Variants in ADGRG5 observed in about 807,000 individuals in gnomAD.
The protein encoded by ADGRG5 is G protein-coupled receptor 114.
Under a neutral mutation model 53.2 loss-of-function variants are expected in ADGRG5, and 37 were observed. The ratio of observed to expected loss-of-function variants is 0.70; its 90% CI spans 0.53 to 0.91. The LOEUF (loss-of-function observed/expected upper bound fraction) is 0.91. ADGRG5 is among the 40% of genes least tolerant of loss of function. ADGRG5 has a pLI of 0.00. For missense variants in ADGRG5, 614 were observed against 675.8 expected, an observed-to-expected ratio of 0.91 and a Z score of 1.01; for synonymous variants, 277 against 290.4, an observed-to-expected ratio of 0.95 and a Z score of 0.47.
Position 57,576,731 on chromosome 16 carries a change from A to G in ADGRG5, c.*1193A>G, listed in dbSNP as rs1302874937. 8 of 152,170 alleles carry G rather than the reference A, an allele frequency of 5.3e-5. No individual in the cohort carries two copies. In the East Asian group the frequency reaches 7.7e-4, roughly 15 times the overall value. 9.4% of individuals were successfully genotyped at this position (152,170 alleles called of 1,614,324 possible). ...AAAGGCAAGACACGCTTACACGGCC[A>G]TTTGTCTCTTTTCCCAATGCGGCGG... On this transcript the variant is annotated 3_prime_UTR_variant, in exon 12 of 12. Transcript: ENST00000349457.
intron 1 of ADGRG5, among the ~76,000 whole-genome samples, chr16:57,552,745 T>G (rs2032784279): frequency 6.6e-6 from 1 of 152,248 alleles, no homozygotes; most frequent in Non-Finnish European, 1.5e-5. Context: ...TTCATAACTT[T>G]GTGAACTGTT....
intron 1 of ADGRG5, among the ~76,000 whole-genome samples, chr16:57,543,998 C>A (rs4784824): frequency 0.066 from 9,992 of 152,086 alleles, 939 homozygotes; most frequent in African/African-American, 0.21. Flanking sequence ...CTGAATACTG[C>A]AACTGGTTAT....
chr16:57,564,990 C>G (rs781422898), intron 5 of ADGRG5, 44 bp from the exon 6 acceptor site: 1 of 1,190,878 alleles, frequency 8.4e-7, no homozygotes. Context: ...CCCAGGGCCT[C>G]CCCATTTCCC....
chr16:57,554,737 A>G (rs2032843550), intron 1 of ADGRG5, among the ~76,000 whole-genome samples: 1 of 152,062 alleles, frequency 6.6e-6, no homozygotes. Flanking sequence ...TCTTCTTTTT[A>G]TATTTATTAA....
upstream of ADGRG5, among the ~76,000 whole-genome samples, chr16:57,540,142 C>G (rs1195057869): frequency 1.3e-5 from 2 of 152,064 alleles, no homozygotes; most frequent in Non-Finnish European, 2.9e-5. Context: ...ACTTGGGAGG[C>G]TGAGGCAGGA....
intron 1 of ADGRG5, among the ~76,000 whole-genome samples, chr16:57,558,972 A>C (rs1163724801): frequency 2.0e-5 from 3 of 150,250 alleles, no homozygotes; most frequent in Non-Finnish European, 4.4e-5. Flanking sequence ...CAGCCTCCTG[A>C]GTAGCTGGGA....
the ADGRG5 span, among the ~76,000 whole-genome samples, chr16:57,536,104 A>T: frequency 6.7e-6 from 1 of 149,952 alleles, no homozygotes; most frequent in East Asian, 2.0e-4. Context: ...GGCTCTGGGC[A>T]GGGCGCCGTG....
chr16:57,544,547 C>G (rs2032570902), intron 1 of ADGRG5, among the ~76,000 whole-genome samples: 1 of 152,122 alleles, frequency 6.6e-6, no homozygotes, highest in South Asian at 2.1e-4. Context: ...CTTTTCTTCC[C>G]TCAGTGCCTG....
In ADGRG5 at chr16:57,575,608, GA is replaced by G; in HGVS notation, c.*71del. 7.8e-7 allele frequency: 1 copy of G among 1,288,838 alleles called. No homozygotes were observed. The highest frequency in any genetic ancestry group is 1.1e-6 in the Non-Finnish European group (1 of 893,462). The allele number at this position is 1,288,838 out of a possible 1,614,324, so 79.8% of individuals were successfully genotyped here. On this transcript the variant is annotated 3_prime_UTR_variant, in exon 12 of 12. Transcript: ENST00000349457. ...TAGCCTGAGGCTACGGCTCCTGCTA[GA>G]GAGGGTGGCAGGCCTGCTGCTGGAC...
Position 57,570,411 on chromosome 16 carries a change from C to G in ADGRG5, c.1091-7C>G, listed in dbSNP as rs530951193. 4.4e-6 allele frequency: 7 copies of G among 1,601,828 alleles called. No homozygotes were observed. The Admixed American group carries it at 1.2e-4, about 27-fold the overall frequency. On this transcript the variant is annotated splice_region_variant and splice_polypyrimidine_tract_variant and intron_variant, in intron 9 of 11. Coordinates refer to ENST00000349457, the MANE Select transcript of ADGRG5 (RefSeq NM_001304376.3). Reference sequence around the variant, plus strand: ...CACATCTCCTGAGCCTTTGTCCCACCCCTCAGGGGCCCCAGCCCTCCTGGT... The same window carrying G: ...CACATCTCCTGAGCCTTTGTCCCACGCCTCAGGGGCCCCAGCCCTCCTGGT...
At chr16:57,575,198 A>G (rs2033482600) in intron 11 of ADGRG5, 106 bp downstream of exon 11, 1 of 1,296,812 alleles carries the variant, frequency 7.7e-7, no homozygotes, top group East Asian at 2.4e-5. Flanking sequence ...GTGGGGGACT[A>G]ACATCCAGCC....
Position 57,567,073 on chromosome 16 carries a change from T to A in ADGRG5, c.699+322T>A, listed in dbSNP as rs533666188. On this transcript the variant is annotated intron_variant, in intron 7 of 11. Coordinates refer to ENST00000349457, the MANE Select transcript of ADGRG5 (RefSeq NM_001304376.3). ...ATAGCTGGCAGCAGTTCCAGGCTCATGCCCTGCTAGCTTTCAGGCCAGTGG... is the reference window on the plus strand; with the variant it reads ...ATAGCTGGCAGCAGTTCCAGGCTCAAGCCCTGCTAGCTTTCAGGCCAGTGG... Among the ~76,000 whole-genome samples, 6 of 152,340 alleles carry A rather than the reference T, an allele frequency of 3.9e-5. No individual in the cohort carries two copies. The East Asian group carries it at 1.2e-3, about 29-fold the overall frequency.
At chr16:57,566,426 C>A in intron 6 of ADGRG5, 173 bp from the exon 7 acceptor site, 1 of 504,870 alleles carries the variant, frequency 2.0e-6, no homozygotes, top group Non-Finnish European at 3.3e-6. Flanking sequence ...ACTCTGAGAG[C>A]CCACAGTGGA....
intron 1 of ADGRG5, among the ~76,000 whole-genome samples, chr16:57,553,674 T>A (rs1404643531): frequency 6.6e-6 from 1 of 152,192 alleles, no homozygotes; most frequent in African/African-American, 2.4e-5. Context: ...ATCCTTTGTT[T>A]TTACATATAA....
intron 8 of ADGRG5, 22 bp from the exon 9 acceptor site, chr16:57,567,834 A>T: frequency 6.3e-7 from 1 of 1,598,956 alleles, no homozygotes; most frequent in Non-Finnish European, 8.5e-7. Context: ...TGGGCCATGG[A>T]GGACCATTCT....
chr16:57,567,047 T>C (rs1317339928), intron 7 of ADGRG5, among the ~76,000 whole-genome samples: 1 of 152,160 alleles, frequency 6.6e-6, no homozygotes. Flanking sequence ...GAGATAATAA[T>C]ATAGCTGGCA....
chr16:57,553,096 G>C (rs997356125), intron 1 of ADGRG5, among the ~76,000 whole-genome samples: 134 of 152,258 alleles, frequency 8.8e-4, no homozygotes, highest in Non-Finnish European at 3.1e-4. Context: ...TCTGTTCACA[G>C]ATCACCACAG....
the ADGRG5 span, among the ~76,000 whole-genome samples, chr16:57,535,857 C>G: frequency 6.6e-6 from 1 of 152,188 alleles, no homozygotes; most frequent in South Asian, 2.1e-4. Context: ...ATCCAACCCC[C>G]ACAAGAGCCC....
At chr16:57,570,672 G>A in intron 10 of ADGRG5, 137 bp downstream of exon 10, 1 of 638,792 alleles carries the variant, frequency 1.6e-6, no homozygotes, top group Non-Finnish European at 2.8e-6. Context: ...AGACAGGGGA[G>A]TTTGCAGGGG....
Sources: gnomAD v4.1 joint callset for allele counts (sites outside exome capture counted in the v4.1 genomes callset) on GRCh38, gnomAD v4.1.1 for gene constraint, MANE v1.5 for transcripts, NCBI Gene and HGNC (gene_info 2026-07-23, HGNC 2026-07-21) for gene names.